Variants in PDE3B observed in about 807,000 individuals in gnomAD.
PDE3B encodes the protein cGMP-inhibited 3',5'-cyclic phosphodiesterase 3B.
In PDE3B, 66 loss-of-function variants were observed where a neutral mutation model predicts 116.8. The observed-to-expected ratio is 0.56, with a 90% CI of 0.46 to 0.69. PDE3B has a LOEUF of 0.69. PDE3B is among the 30% of genes least tolerant of loss of function. The pLI is 0.00. For synonymous variants in PDE3B, 595 were observed against 533.6 expected, an observed-to-expected ratio of 1.12 and a Z score of -1.59; for missense variants, 1,384 against 1,368.1, an observed-to-expected ratio of 1.01 and a Z score of -0.18.
intron 11 of PDE3B, among the ~76,000 whole-genome samples, chr11:14,839,248 C>G (rs1001079784): frequency 6.6e-6 from 1 of 152,148 alleles, no homozygotes; most frequent in Non-Finnish European, 1.5e-5. Flanking sequence ...TCATCAATTC[C>G]TTGATCTTTG....
At chr11:14,818,127 C>G in intron 5 of PDE3B, 56 bp from the exon 6 acceptor site, 2 of 1,096,778 alleles carry the variant, frequency 1.8e-6, no homozygotes, top group Non-Finnish European at 2.7e-6. Flanking sequence ...ATTTAATAAA[C>G]ATACACACAT....
chr11:14,814,288 A>G (rs1859245178), intron 5 of PDE3B, among the ~76,000 whole-genome samples: 1 of 152,204 alleles, frequency 6.6e-6, no homozygotes, highest in African/African-American at 2.4e-5. Flanking sequence ...AAGAAAAGGA[A>G]TAAATATTGG....
At position 14,826,546 on chromosome 11, in the gene PDE3B, C is replaced by T. The variant is rs555282678; in HGVS notation, c.1808-4152C>T. Among the ~76,000 whole-genome samples, 10 of 152,046 alleles carry T rather than the reference C, an allele frequency of 6.6e-5. No homozygotes were observed. The South Asian group carries it at 2.1e-3, about 32-fold the overall frequency. On this transcript the variant is annotated intron_variant, in intron 7 of 15. Transcript: ENST00000282096. ...GATGGATAAATTCCTGTACACATAACCCCTCCCAAGACTGAACCAGGAAGA... is the reference window on the plus strand; with the variant it reads ...GATGGATAAATTCCTGTACACATAATCCCTCCCAAGACTGAACCAGGAAGA...
intron 1 of PDE3B, among the ~76,000 whole-genome samples, chr11:14,760,189 C>T (rs560576302): frequency 6.6e-6 from 1 of 152,106 alleles, no homozygotes; most frequent in Non-Finnish European, 1.5e-5. Context: ...AAAGTGAGGA[C>T]AGCCACAAGG....
intron 5 of PDE3B, among the ~76,000 whole-genome samples, chr11:14,807,007 AC>A (rs1251791749): frequency 6.6e-6 from 1 of 152,178 alleles, no homozygotes; most frequent in Non-Finnish European, 1.5e-5. Context: ...CATCACAAGA[AC>A]AGAAAACTAA....
intron 1 of PDE3B, among the ~76,000 whole-genome samples, chr11:14,667,703 G>A (rs1301904224): frequency 2.0e-5 from 3 of 150,356 alleles, no homozygotes; most frequent in African/African-American, 4.9e-5. Context: ...TTGGGGGAGG[G>A]TGGAGGGATA....
intron 1 of PDE3B, among the ~76,000 whole-genome samples, chr11:14,760,388 A>G (rs1417160015): frequency 6.6e-6 from 1 of 152,212 alleles, no homozygotes; most frequent in East Asian, 1.9e-4. Flanking sequence ...TCACTGTGCT[A>G]GATGCTATAA....
In PDE3B at chr11:14,644,832, G is replaced by C; in HGVS notation, c.757G>C (p.Gly253Arg). 1 of 1,612,264 alleles carries C rather than the reference G, an allele frequency of 6.2e-7. No homozygotes were observed. The highest frequency in any genetic ancestry group is 8.5e-7 in the Non-Finnish European group (1 of 1,179,060). Residue 253 changes from glycine to arginine, a missense_variant, in exon 1 of 16, where the codon GGG becomes CGG. This residue lies in a region of PDE3B where 956 missense variants were observed against 806.8 expected (regional missense o/e 1.18). Coordinates refer to ENST00000282096, the MANE Select transcript of PDE3B (RefSeq NM_000922.4). The stretch of plus-strand genomic sequence containing the variant: ...CAGGCCGCTGCTCTCCGGCCTGGTG[G>C]GGGGCGCTGGCTGCCTGCTGGCCCT... ...ALRPLLSGLV[G>R]GAGCLLALGL...
At chr11:14,882,212 A>G in the PDE3B span, among the ~76,000 whole-genome samples, 3 of 152,304 alleles carry the variant, frequency 2.0e-5, no homozygotes, top group Non-Finnish European at 4.4e-5. Flanking sequence ...GAACAAAAGA[A>G]GCAAAGGTCC....
At chr11:14,712,033 G>A (rs560556378) in intron 1 of PDE3B, among the ~76,000 whole-genome samples, 24 of 152,274 alleles carry the variant, frequency 1.6e-4, no homozygotes, top group African/African-American at 5.3e-4. Flanking sequence ...TCCAAGAATG[G>A]CTGTAGGGGA....
At chr11:14,827,644 C>T (rs1050219905) in intron 7 of PDE3B, among the ~76,000 whole-genome samples, 1 of 152,132 alleles carries the variant, frequency 6.6e-6, no homozygotes, top group Admixed American at 6.5e-5. Context: ...AATTACAAAA[C>T]ACTGCTCAAA....
At chr11:14,799,224 C>T (rs1466516296) in intron 4 of PDE3B, among the ~76,000 whole-genome samples, 1 of 152,166 alleles carries the variant, frequency 6.6e-6, no homozygotes, top group Non-Finnish European at 1.5e-5. Context: ...TGTTCAGTTT[C>T]CATGTAGTTG....
chr11:14,707,490 G>A (rs893249068), intron 1 of PDE3B, among the ~76,000 whole-genome samples: 121 of 152,018 alleles, frequency 8.0e-4, no homozygotes, highest in African/African-American at 2.7e-3. Flanking sequence ...AAAATAAGTG[G>A]TTGGTATTAA....
chr11:14,669,760 G>A (rs1024137308), intron 1 of PDE3B, among the ~76,000 whole-genome samples: 2 of 152,140 alleles, frequency 1.3e-5, no homozygotes, highest in Middle Eastern at 6.8e-3. Flanking sequence ...TAAGGACACA[G>A]TATCTGCAGT....
intron 1 of PDE3B, among the ~76,000 whole-genome samples, chr11:14,685,972 T>C (rs987746073): frequency 6.6e-6 from 1 of 152,176 alleles, no homozygotes; most frequent in African/African-American, 2.4e-5. Flanking sequence ...AGCCCTTTTA[T>C]GGTTGCTGAA....
chr11:14,747,502 C>A (rs1172433137), intron 1 of PDE3B, among the ~76,000 whole-genome samples: 1 of 152,174 alleles, frequency 6.6e-6, no homozygotes, highest in Non-Finnish European at 1.5e-5. Context: ...ATAGAGAAGA[C>A]AGTCAGAAGA....
intron 15 of PDE3B, among the ~76,000 whole-genome samples, chr11:14,868,687 G>A (rs1359425883): frequency 6.6e-6 from 1 of 152,122 alleles, no homozygotes; most frequent in East Asian, 1.9e-4. Flanking sequence ...CAATAAATCA[G>A]ACCAGACAGG....
chr11:14,714,556 A>G (rs889628486), intron 1 of PDE3B, among the ~76,000 whole-genome samples: 2 of 151,928 alleles, frequency 1.3e-5, no homozygotes, highest in East Asian at 1.9e-4. Flanking sequence ...AAAAAAAAAA[A>G]AAAGAAATAC....
At chr11:14,868,786 C>A (rs1382763622) in intron 15 of PDE3B, among the ~76,000 whole-genome samples, 1 of 152,082 alleles carries the variant, frequency 6.6e-6, no homozygotes, top group African/African-American at 2.4e-5. Flanking sequence ...ATTTAAAATT[C>A]TTTTTTTAAA....
Sources: allele counts gnomAD v4.1 joint callset (sites outside exome capture counted in the v4.1 genomes callset), GRCh38; gene constraint gnomAD v4.1.1; regional missense constraint gnomAD v4.1.1; transcripts MANE v1.5; gene names NCBI Gene and HGNC (gene_info 2026-07-23, HGNC 2026-07-21).